The following PLCE1 variants were observed in gnomAD, a reference collection of about 807,000 sequenced individuals.
PLCE1 encodes the protein phospholipase C epsilon 1, also known as 1-phosphatidylinositol 4,5-bisphosphate phosphodiesterase epsilon-1.
In PLCE1, 119 loss-of-function variants were observed where a neutral mutation model predicts 242.8. The ratio of observed to expected loss-of-function variants is 0.49; its 90% CI spans 0.42 to 0.57. PLCE1 has a LOEUF of 0.57. PLCE1 is among the 20% of genes least tolerant of loss of function. The probability of loss-of-function intolerance (pLI) is 0.00; values close to 1 mark genes in which losing one functional copy is unlikely to be tolerated. For synonymous variants in PLCE1, 945 were observed against 1,017.4 expected (o/e 0.93, Z 1.35); for missense variants, 2,441 against 2,788.8 (o/e 0.88, Z 2.81).
In PLCE1 at chr10:94,273,661, C is replaced by A. The variant is rs1485358230; in HGVS notation, c.4606C>A (p.Leu1536Ile). 4.3e-6 allele frequency: 7 copies of A among 1,613,754 alleles called. No homozygotes were observed. Among genetic ancestry groups the A allele is most frequent in the Non-Finnish European group, 5.9e-6 (7 of 1,179,818 alleles). Reference protein sequence around the residue: ...PSPDQLRKKVLLKNKKLKAHQ... With the variant: ...PSPDQLRKKVILKNKKLKAHQ... ...ACCTGACCAACTCAGAAAGAAAGTTCTTCTTAAAAACAAGAAGCTAAAAGC... is the reference window on the plus strand; with the variant it reads ...ACCTGACCAACTCAGAAAGAAAGTTATTCTTAAAAACAAGAAGCTAAAAGC... The change falls in exon 19 of 33, where the codon CTT becomes ATT. Residue 1536 changes from leucine (L) to isoleucine (I), a missense_variant. Physicochemically the swap from Leu to Ile is conservative, Grantham distance 5. Around this residue, in one of 5 missense-constraint regions of PLCE1, gnomAD observed 1,004 missense variants for 1,322.7 expected, o/e 0.76. Transcript: ENST00000371380.
intron 1 of PLCE1, among the ~76,000 whole-genome samples, chr10:93,995,878 G>A (rs972460472): frequency 2.0e-5 from 3 of 152,254 alleles, no homozygotes; most frequent in Admixed American, 1.3e-4. Context: ...CAATGAAGGC[G>A]GTTGGTTTTG....
At chr10:94,273,911 A>G (rs1195465823) in intron 19 of PLCE1, among the ~76,000 whole-genome samples, 191 bp downstream of exon 19, 1 of 152,164 alleles carries the variant, frequency 6.6e-6, no homozygotes, top group Non-Finnish European at 1.5e-5. Flanking sequence ...CTCACCCAAG[A>G]TTTAATTTGT....
intron 22 of PLCE1, among the ~76,000 whole-genome samples, chr10:94,289,707 A>G (rs2052582235): frequency 6.6e-6 from 1 of 152,196 alleles, no homozygotes; most frequent in African/African-American, 2.4e-5. Context: ...AAAATGGTAC[A>G]TCTGTATAGG....
intron 29 of PLCE1, among the ~76,000 whole-genome samples, chr10:94,319,341 A>AATT (rs1168041487): frequency 3.9e-5 from 6 of 152,232 alleles, no homozygotes; most frequent in African/African-American, 1.4e-4. Flanking sequence ...TGAATTCAGT[A>AATT]ATTACTGAAT....
intron 17 of PLCE1, 58 bp downstream of exon 17, chr10:94,269,094 CTTTTTT>C (rs71031565): frequency 1.8e-4 from 56 of 313,068 alleles, no homozygotes; most frequent in East Asian, 2.6e-4. Flanking sequence ...CTTCATTTGT[CTTTTTT>C]TTTTTTTTTT....
At chr10:94,312,933 G>A (rs2053432640) in intron 27 of PLCE1, among the ~76,000 whole-genome samples, 1 of 151,762 alleles carries the variant, frequency 6.6e-6, no homozygotes, top group Non-Finnish European at 1.5e-5. Context: ...GTACCCTGAA[G>A]AGAGATGGAA....
Position 94,298,741 on chromosome 10 carries a change from T to C in PLCE1, c.5458+72T>C. ...AGTAAATGCAGTTTGACAGCATTTT[T>C]TCAAAGGGGCAAGATTCCAGACTGG... On this transcript the variant is annotated intron_variant, in intron 24 of 32. Transcript: ENST00000371380. This position sits in a 1 kb window ranked among gnomAD's most constrained non-coding sequence, Gnocchi z 5.2. 6.6e-7 allele frequency: 1 copy of C among 1,516,368 alleles called. No individual in the cohort carries two copies. Among genetic ancestry groups the C allele is most frequent in the Non-Finnish European group, 9.2e-7 (1 of 1,092,642 alleles). 93.9% of individuals were successfully genotyped at this position (1,516,368 alleles called of 1,614,324 possible).
chr10:94,228,340 T>C (rs940532332), intron 5 of PLCE1, among the ~76,000 whole-genome samples: 1 of 152,194 alleles, frequency 6.6e-6, no homozygotes, highest in Non-Finnish European at 1.5e-5. Context: ...AGGAATCAAA[T>C]CCTGATTCCC....
chr10:94,067,677 A>G (rs1164935923), intron 2 of PLCE1, among the ~76,000 whole-genome samples: 1 of 152,222 alleles, frequency 6.6e-6, no homozygotes, highest in African/African-American at 2.4e-5. Flanking sequence ...TACTTGTGCA[A>G]TGAAAGAGGG....
At chr10:94,194,890 CT>C (rs1353966022) in intron 4 of PLCE1, among the ~76,000 whole-genome samples, 1 of 152,122 alleles carries the variant, frequency 6.6e-6, no homozygotes, top group Non-Finnish European at 1.5e-5. Context: ...ATTTTCCTTG[CT>C]TCCAATACTA....
chr10:94,272,846 A>G (rs2051797085), intron 18 of PLCE1, among the ~76,000 whole-genome samples: 1 of 152,170 alleles, frequency 6.6e-6, no homozygotes, highest in Non-Finnish European at 1.5e-5. Context: ...ATTAATGCCA[A>G]CAAAACTAAT....
chr10:94,242,699 A>G (rs2050550632), intron 7 of PLCE1, among the ~76,000 whole-genome samples: 2 of 152,176 alleles, frequency 1.3e-5, no homozygotes, highest in Admixed American at 1.3e-4. Flanking sequence ...CAGAAAATAC[A>G]CAAGGTGAGC....
intron 3 of PLCE1, among the ~76,000 whole-genome samples, chr10:94,141,546 G>A (rs1009184807): frequency 7.7e-6 from 1 of 130,552 alleles, no homozygotes; most frequent in African/African-American, 2.8e-5. Flanking sequence ...TGAAGGGAAG[G>A]CTAAGGGAAG....
intron 22 of PLCE1, among the ~76,000 whole-genome samples, chr10:94,285,590 G>A (rs190841589): frequency 1.1e-4 from 17 of 152,192 alleles, no homozygotes; most frequent in Non-Finnish European, 2.1e-4. Flanking sequence ...GTTGCGAGAC[G>A]GCTACAGCAG....
At chr10:94,238,314 A>G (rs150414645) in intron 7 of PLCE1, among the ~76,000 whole-genome samples, 121 of 152,292 alleles carry the variant, frequency 7.9e-4, no homozygotes, top group African/African-American at 1.5e-3. Flanking sequence ...GGGTTGAAAA[A>G]ATCTTGAAAT....
chr10:94,146,684 C>A (rs2047123929), intron 3 of PLCE1, among the ~76,000 whole-genome samples: 1 of 152,220 alleles, frequency 6.6e-6, no homozygotes, highest in Non-Finnish European at 1.5e-5. Flanking sequence ...AGGGGAAAGG[C>A]TGGAGGCCTC....
At chr10:94,051,255 C>T (rs1234964507) in intron 2 of PLCE1, among the ~76,000 whole-genome samples, 1 of 133,106 alleles carries the variant, frequency 7.5e-6, no homozygotes. Context: ...TTCAGAGTTA[C>T]CAGCCTGGGT....
chr10:94,147,484 G>GAAGAAAGA (rs58280560), intron 3 of PLCE1, among the ~76,000 whole-genome samples: 63 of 150,068 alleles, frequency 4.2e-4, no homozygotes, highest in Admixed American at 1.6e-3. Flanking sequence ...GGAGAGAAAG[G>GAAGAAAGA]AAGAAAGAAA....
intron 1 of PLCE1, among the ~76,000 whole-genome samples, chr10:94,024,539 A>G (rs1347861620): frequency 6.6e-6 from 1 of 152,112 alleles, no homozygotes; most frequent in African/African-American, 2.4e-5. Flanking sequence ...ATAAAGTCCT[A>G]GCTCAAATAC....
Sources: allele counts gnomAD v4.1 joint callset (sites outside exome capture counted in the v4.1 genomes callset), GRCh38; gene constraint gnomAD v4.1.1; regional missense constraint gnomAD v4.1.1; non-coding constraint Gnocchi (gnomAD v3.1); transcripts MANE v1.5; gene names NCBI Gene and HGNC (gene_info 2026-07-23, HGNC 2026-07-21).